EFCAB3: variants seen among roughly 807,000 people sequenced by gnomAD.
EFCAB3 encodes EF-hand calcium binding domain 3.
In EFCAB3, 36 loss-of-function variants were observed where a neutral mutation model predicts 42.2. That is an observed-to-expected ratio of 0.85 (90% CI 0.65 to 1.13). EFCAB3 has a LOEUF of 1.13. Among genes scored for constraint, EFCAB3 ranks in the 50% most tolerant of loss-of-function variants. The pLI is 0.00. For synonymous variants in EFCAB3, 170 were observed against 172.8 expected (o/e 0.98, Z 0.13); for missense variants, 418 against 505.1 (o/e 0.83, Z 1.65).
At chr17:62,415,933 C>A in intron 9 of EFCAB3, 70 bp from the exon 10 acceptor site, 1 of 1,270,344 alleles carries the variant, frequency 7.9e-7, no homozygotes. Context: ...CTTGGGGTAT[C>A]TATCATTGTG....
upstream of EFCAB3, among the ~76,000 whole-genome samples, chr17:62,378,472 A>T (rs985326679): frequency 3.3e-5 from 5 of 152,258 alleles, no homozygotes; most frequent in African/African-American, 1.2e-4. Flanking sequence ...CGGAGGCAGG[A>T]AGATCACTTG....
intron 8 of EFCAB3, among the ~76,000 whole-genome samples, chr17:62,409,827 T>C (rs985940192): frequency 4.6e-5 from 7 of 152,032 alleles, no homozygotes; most frequent in Non-Finnish European, 8.8e-5. Flanking sequence ...TTTAATGCTA[T>C]TTCTATTAAA....
chr17:62,409,646 C>CTA (rs2070477483), intron 8 of EFCAB3, among the ~76,000 whole-genome samples: 1 of 146,362 alleles, frequency 6.8e-6, no homozygotes, highest in Admixed American at 6.8e-5. Flanking sequence ...AATACCTTAC[C>CTA]CCCTTTCCTG....
At chr17:62,375,024 G>T (rs974635783) in intron 2 of EFCAB3, among the ~76,000 whole-genome samples, 10 of 152,176 alleles carry the variant, frequency 6.6e-5, no homozygotes, top group African/African-American at 2.4e-4. Context: ...TGAGGTCGGA[G>T]AATTGCTCGA....
At position 62,407,427 on chromosome 17, in the gene EFCAB3, G is replaced by A. The variant is rs373182060; in HGVS notation, c.867+215G>A. Among the ~76,000 whole-genome samples the A allele has an allele frequency of 3.8e-4, 58 of 152,188 alleles. 1 individual carries two copies. The East Asian group carries it at 9.8e-3, about 26-fold the overall frequency. On this transcript the variant is annotated intron_variant, in intron 8 of 9. Transcript: ENST00000305286. The stretch of plus-strand genomic sequence containing the variant: ...CTAAAAAATACAGCTTTGGGGTTGG[G>A]GATGGGGAATATAGGAATAATAACA...
chr17:62,402,885 T>G (rs978381299), intron 6 of EFCAB3, among the ~76,000 whole-genome samples: 5 of 152,238 alleles, frequency 3.3e-5, no homozygotes, highest in African/African-American at 1.2e-4. Context: ...TCTTTGTACC[T>G]CTGGTAGAAT....
At chr17:62,392,802 T>G (rs2070315636) in intron 4 of EFCAB3, among the ~76,000 whole-genome samples, 1 of 151,940 alleles carries the variant, frequency 6.6e-6, no homozygotes, top group Non-Finnish European at 1.5e-5. Context: ...CATGCCCGGC[T>G]AATTTTTTGT....
chr17:62,398,641 G>A (rs144862851), intron 6 of EFCAB3, among the ~76,000 whole-genome samples: 116 of 151,756 alleles, frequency 7.6e-4, no homozygotes, highest in African/African-American at 2.4e-3. Context: ...GCACTCCAGC[G>A]TGGGCAACAA....
intron 1 of EFCAB3, among the ~76,000 whole-genome samples, chr17:62,382,669 G>A (rs932600774): frequency 6.6e-6 from 1 of 152,126 alleles, no homozygotes; most frequent in Non-Finnish European, 1.5e-5. Context: ...TATAGCATTG[G>A]TCTTTCTGTG....
At chr17:62,406,422 T>A in intron 6 of EFCAB3, 58 bp from the exon 7 acceptor site, 1 of 1,446,308 alleles carries the variant, frequency 6.9e-7, no homozygotes, top group Non-Finnish European at 9.2e-7. Flanking sequence ...CTTGACTTTT[T>A]AAAATTTTTG....
chr17:62,403,381 G>T (rs373355672), intron 6 of EFCAB3, among the ~76,000 whole-genome samples: 2 of 152,170 alleles, frequency 1.3e-5, no homozygotes, highest in Admixed American at 6.6e-5. Flanking sequence ...CTTAACTGTA[G>T]TATCCTGCCT....
At chr17:62,373,929 C>G (rs2070131980) in intron 2 of EFCAB3, 20 of 855,404 alleles carry the variant, frequency 2.3e-5, no homozygotes, top group Non-Finnish European at 3.6e-5. Context: ...GTATTTTTAT[C>G]TGTGTTTTCT....
At chr17:62,392,551 C>A (rs11871268) in intron 4 of EFCAB3, among the ~76,000 whole-genome samples, 103,435 of 152,022 alleles carry the variant, frequency 0.68, 42,651 homozygotes, top group Non-Finnish European at 0.92. Flanking sequence ...CAAAACAGAA[C>A]AAATCTTTCT....
At position 62,406,575 on chromosome 17, in the gene EFCAB3, G is replaced by C; in HGVS notation, c.584G>C (p.Cys195Ser). 3 of 1,614,014 alleles carry C rather than the reference G, an allele frequency of 1.9e-6. No homozygotes were observed. The highest frequency in any genetic ancestry group is 2.5e-6 in the Non-Finnish European group (3 of 1,179,994). The stretch of plus-strand genomic sequence containing the variant: ...AAAAGGACACTTAAGCCAGACATAT[G>C]CACACCTCCAAGCTCAAGCATGGCT... ...YGKRTLKPDI[C>S]TPPSSSMAAF... Residue 195 changes from cysteine to serine, a missense_variant, in exon 7 of 10, where the codon TGC (cysteine) becomes TCC (serine). Transcript: ENST00000305286.
chr17:62,402,478 T>C (rs1195326377), intron 6 of EFCAB3, among the ~76,000 whole-genome samples: 1 of 152,188 alleles, frequency 6.6e-6, no homozygotes, highest in East Asian at 1.9e-4. Context: ...ATACCTAATT[T>C]ATTGAGAGTT....
rs1296321272 is a variant in EFCAB3 at position 62,407,018 on chromosome 17, A to G, written c.683-10A>G. The G allele has an allele frequency of 3.2e-6, 5 of 1,568,214 alleles. No homozygotes were observed. The highest frequency in any genetic ancestry group is 4.3e-6 in the Non-Finnish European group (5 of 1,162,788). ...TGTTTGTGATACCATTTTTGTTTTTATCTTTTTAGGATGCAATTCCGGTTC... is the reference window on the plus strand; with the variant it reads ...TGTTTGTGATACCATTTTTGTTTTTGTCTTTTTAGGATGCAATTCCGGTTC... On this transcript the variant is annotated splice_polypyrimidine_tract_variant and intron_variant, in intron 7 of 9. Coordinates refer to ENST00000305286, the MANE Select transcript of EFCAB3 (RefSeq NM_173503.4).
chr17:62,379,176 A>C (rs186982742), upstream of EFCAB3, among the ~76,000 whole-genome samples: 2 of 152,116 alleles, frequency 1.3e-5, no homozygotes, highest in Admixed American at 1.3e-4. Flanking sequence ...TAATCCCAGC[A>C]CTTTGGGAGG....
chr17:62,371,640 G>A (rs542654137), intron 1 of EFCAB3, among the ~76,000 whole-genome samples: 1 of 152,174 alleles, frequency 6.6e-6, no homozygotes, highest in Non-Finnish European at 1.5e-5. Flanking sequence ...AGTTGTGCCT[G>A]ATGGTATGAT....
intron 6 of EFCAB3, 40 bp downstream of exon 6, chr17:62,395,228 A>G: frequency 6.2e-7 from 1 of 1,604,144 alleles, no homozygotes; most frequent in Non-Finnish European, 8.5e-7. Context: ...CCTTCTCAGA[A>G]GCATTATGAA....
Sources: gnomAD v4.1 joint callset for allele counts (sites outside exome capture counted in the v4.1 genomes callset) on GRCh38, gnomAD v4.1.1 for gene constraint, MANE v1.5 for transcripts, NCBI Gene and HGNC (gene_info 2026-07-23, HGNC 2026-07-21) for gene names.